TMEM163: variants seen among roughly 807,000 people sequenced by gnomAD.
The protein encoded by TMEM163 is transmembrane protein 163.
In TMEM163, 17 loss-of-function variants were observed where a neutral mutation model predicts 29.3. The observed-to-expected ratio is 0.58, with a 90% CI of 0.40 to 0.87. The LOEUF (loss-of-function observed/expected upper bound fraction) is 0.87, where lower values mean the gene tolerates loss of function less well. Among genes scored for constraint, TMEM163 ranks in the 40% least tolerant of loss-of-function variants. The pLI, the probability that TMEM163 is intolerant of heterozygous loss-of-function variation, is 0.00. For synonymous variants in TMEM163, 157 were observed against 160.6 expected (o/e 0.98, Z 0.17); for missense variants, 303 against 381.5 (o/e 0.79, Z 1.71).
At chr2:134,679,900 C>A (rs1187681534) in intron 2 of TMEM163, among the ~76,000 whole-genome samples, 1 of 142,776 alleles carries the variant, frequency 7.0e-6, no homozygotes, top group Non-Finnish European at 1.5e-5. Context: ...ACTTCCTTCT[C>A]TAACCACACC....
At chr2:134,509,346 C>T (rs1034682934) in intron 4 of TMEM163, among the ~76,000 whole-genome samples, 3 of 152,162 alleles carry the variant, frequency 2.0e-5, no homozygotes, top group African/African-American at 4.8e-5. Flanking sequence ...CCAGAGGGGC[C>T]GTTGCCCAAG....
At chr2:134,551,374 T>A (rs2106507718) in intron 3 of TMEM163, among the ~76,000 whole-genome samples, 1 of 152,148 alleles carries the variant, frequency 6.6e-6, no homozygotes, top group East Asian at 1.9e-4. Context: ...AATATCAAGT[T>A]CTCACAACAA....
chr2:134,506,451 C>G (rs513344), intron 4 of TMEM163, among the ~76,000 whole-genome samples: 2 of 152,078 alleles, frequency 1.3e-5, no homozygotes, highest in African/African-American at 2.4e-5. Flanking sequence ...GGCCACTCAC[C>G]GGACCCAGGT....
At chr2:134,615,340 C>A (rs1213123078) in intron 2 of TMEM163, among the ~76,000 whole-genome samples, 1 of 152,190 alleles carries the variant, frequency 6.6e-6, no homozygotes, top group Non-Finnish European at 1.5e-5. Context: ...ATCATTAATG[C>A]TTTACAAATA....
chr2:134,588,867 G>T (rs1681878474), intron 2 of TMEM163, among the ~76,000 whole-genome samples: 2 of 152,158 alleles, frequency 1.3e-5, no homozygotes, highest in Admixed American at 6.5e-5. Context: ...AGGCCATTCG[G>T]TGGGGAGGAA....
At chr2:134,537,426 G>C (rs748294526) in intron 4 of TMEM163, among the ~76,000 whole-genome samples, 6 of 152,166 alleles carry the variant, frequency 3.9e-5, no homozygotes, top group African/African-American at 1.2e-4. Context: ...TTACAAGGCA[G>C]GGGGAGCAAG....
chr2:134,493,179 A>G (rs562848647), intron 5 of TMEM163, among the ~76,000 whole-genome samples: 47 of 151,724 alleles, frequency 3.1e-4, no homozygotes, highest in South Asian at 2.7e-3. Flanking sequence ...CCCTTTTCTT[A>G]TTGGGTTGTT....
chr2:134,529,280 G>C (rs1680363746), intron 4 of TMEM163, among the ~76,000 whole-genome samples: 4 of 151,894 alleles, frequency 2.6e-5, no homozygotes, highest in Admixed American at 2.6e-4. Context: ...GCAGTGAGCT[G>C]AGATCACGCC....
chr2:134,503,060 C>T, intron 4 of TMEM163, 63 bp from the exon 5 acceptor site: 1 of 1,453,654 alleles, frequency 6.9e-7, no homozygotes, highest in Non-Finnish European at 9.5e-7. Flanking sequence ...AGAGTCCACA[C>T]AATTGACAGT....
At chr2:134,625,423 G>A (rs1431454075) in intron 2 of TMEM163, among the ~76,000 whole-genome samples, 2 of 152,166 alleles carry the variant, frequency 1.3e-5, no homozygotes, top group African/African-American at 2.4e-5. Flanking sequence ...TAATGGAACC[G>A]TGATGCACAC....
chr2:134,471,486 G>C lies in TMEM163; in HGVS notation c.556-5261C>G, dbSNP rs187051717. On this transcript the variant is annotated intron_variant, in intron 5 of 7. Coordinates refer to ENST00000281924, the MANE Select transcript of TMEM163 (RefSeq NM_030923.5). Reference sequence around the variant, plus strand: ...TCCCTCACCAGATGCTGACTCTGCTGGCACATTCATTGTGGACTTCAGTCT... The same window carrying C: ...TCCCTCACCAGATGCTGACTCTGCTCGCACATTCATTGTGGACTTCAGTCT... 1.9e-3 allele frequency among the ~76,000 whole-genome samples: 286 copies of C among 152,308 alleles called. 3 individuals carry two copies. Among genetic ancestry groups the C allele is most frequent in the Non-Finnish European group, 2.6e-3 (174 of 68,020 alleles).
At chr2:134,516,685 G>GCATATATTCATATATACATATATATT (rs1558930277) in intron 4 of TMEM163, among the ~76,000 whole-genome samples, 67 of 142,240 alleles carry the variant, frequency 4.7e-4, no homozygotes, top group African/African-American at 1.5e-3. Flanking sequence ...ATACATATAT[G>GCATATATTCATATATACATATATATT]CATATATATG....
chr2:134,586,226 C>G (rs769435472), intron 2 of TMEM163, among the ~76,000 whole-genome samples: 1 of 152,200 alleles, frequency 6.6e-6, no homozygotes, highest in African/African-American at 2.4e-5. Flanking sequence ...TTGGCAAGGG[C>G]TGCCAAAACA....
At chr2:134,552,115 C>A in intron 2 of TMEM163, 24 bp from the exon 3 acceptor site, 2 of 1,590,352 alleles carry the variant, frequency 1.3e-6, no homozygotes, top group South Asian at 2.2e-5. Flanking sequence ...AAATATTATT[C>A]AGAATATTTT....
At chr2:134,501,601 C>A (rs1395342716) in intron 5 of TMEM163, among the ~76,000 whole-genome samples, 1 of 152,216 alleles carries the variant, frequency 6.6e-6, no homozygotes, top group African/African-American at 2.4e-5. Flanking sequence ...TATAATCACA[C>A]TTGGTGCCCT....
At chr2:134,593,202 G>A (rs542081025) in intron 2 of TMEM163, among the ~76,000 whole-genome samples, 11 of 152,292 alleles carry the variant, frequency 7.2e-5, no homozygotes, top group African/African-American at 2.6e-4. Flanking sequence ...GGAGAGGGCA[G>A]GATTTAGACA....
chr2:134,707,300 A>T (rs916820037), intron 2 of TMEM163, among the ~76,000 whole-genome samples: 2 of 152,168 alleles, frequency 1.3e-5, no homozygotes, highest in Non-Finnish European at 2.9e-5. Context: ...TGACATGAGG[A>T]GCGGCCAGAA....
chr2:134,464,799 C>T (rs1435771428), intron 6 of TMEM163, among the ~76,000 whole-genome samples: 1 of 152,140 alleles, frequency 6.6e-6, no homozygotes, highest in Non-Finnish European at 1.5e-5. Flanking sequence ...ACCACCTCTG[C>T]AGATGGATTC....
At chr2:134,699,366 G>A (rs767282488) in intron 2 of TMEM163, among the ~76,000 whole-genome samples, 23 of 152,092 alleles carry the variant, frequency 1.5e-4, no homozygotes, top group Non-Finnish European at 2.4e-4. Flanking sequence ...TTAGCCAGGC[G>A]TGTGGTACAC....
Sources: gnomAD v4.1 joint callset for allele counts (sites outside exome capture counted in the v4.1 genomes callset) on GRCh38, gnomAD v4.1.1 for gene constraint, MANE v1.5 for transcripts, NCBI Gene and HGNC (gene_info 2026-07-23, HGNC 2026-07-21) for gene names.